The following PLCB1 variants were observed in gnomAD, a reference collection of about 807,000 sequenced individuals.
PLCB1 encodes phospholipase C beta 1.
PLCB1 carries 46 observed loss-of-function variants against 161.8 expected under a neutral mutation model. The ratio of observed to expected loss-of-function variants is 0.28; its 90% CI spans 0.22 to 0.36. The LOEUF is 0.36. Among genes scored for constraint, PLCB1 ranks in the 10% least tolerant of loss-of-function variants. The pLI is 1.00. For synonymous variants in PLCB1, 517 were observed against 503.7 expected (o/e 1.03, Z -0.35); for missense variants, 1,016 against 1,472.5 (o/e 0.69, Z 5.07).
chr20:8,257,151 G>T (rs1471643719), intron 2 of PLCB1, among the ~76,000 whole-genome samples: 1 of 152,112 alleles, frequency 6.6e-6, no homozygotes, highest in Non-Finnish European at 1.5e-5. Flanking sequence ...TTCACCTGGA[G>T]AACATAATTC....
intron 3 of PLCB1, among the ~76,000 whole-genome samples, chr20:8,483,876 T>A (rs1205091743): frequency 6.6e-6 from 1 of 152,132 alleles, no homozygotes; most frequent in African/African-American, 2.4e-5. Flanking sequence ...AAATAAATGT[T>A]GGTACTCTAA....
At chr20:8,544,830 C>G (rs1985472823) in intron 3 of PLCB1, among the ~76,000 whole-genome samples, 1 of 152,066 alleles carries the variant, frequency 6.6e-6, no homozygotes, top group African/African-American at 2.4e-5. Context: ...AGCCATTCTT[C>G]TCAATAAAAC....
At chr20:8,703,978 G>GCAGC (rs1254508170) in intron 11 of PLCB1, among the ~76,000 whole-genome samples, 1 of 152,184 alleles carries the variant, frequency 6.6e-6, no homozygotes, top group Admixed American at 6.5e-5. Flanking sequence ...TACCAATGAG[G>GCAGC]TGAGCCTACA....
At chr20:8,816,369 T>A (rs2146258647) in intron 31 of PLCB1, among the ~76,000 whole-genome samples, 1 of 152,262 alleles carries the variant, frequency 6.6e-6, no homozygotes, top group Middle Eastern at 3.4e-3. Context: ...ACAAAAAGAA[T>A]TTTTTTCAAC....
At chr20:8,375,336 G>C (rs191824269) in intron 3 of PLCB1, among the ~76,000 whole-genome samples, 1 of 152,178 alleles carries the variant, frequency 6.6e-6, no homozygotes, top group Admixed American at 6.5e-5. Flanking sequence ...ACTTCAAAAA[G>C]ATCTTTGCTT....
At chr20:8,718,056 G>A (rs945437577) in intron 14 of PLCB1, among the ~76,000 whole-genome samples, 1 of 129,854 alleles carries the variant, frequency 7.7e-6, no homozygotes, top group Non-Finnish European at 1.7e-5. Flanking sequence ...CCTGTCTCTT[G>A]CAAAAATACA....
At chr20:8,616,768 C>A (rs1195729211) in intron 3 of PLCB1, among the ~76,000 whole-genome samples, 1 of 152,200 alleles carries the variant, frequency 6.6e-6, no homozygotes, top group Non-Finnish European at 1.5e-5. Flanking sequence ...GAAACAGATT[C>A]CCCCATGAGG....
chr20:8,845,087 C>T (rs1986643433), intron 31 of PLCB1, among the ~76,000 whole-genome samples: 1 of 152,098 alleles, frequency 6.6e-6, no homozygotes, highest in Non-Finnish European at 1.5e-5. Context: ...GCACTCCAAC[C>T]TGGGCAATAG....
At chr20:8,441,125 A>G (rs1004285566) in intron 3 of PLCB1, among the ~76,000 whole-genome samples, 5 of 152,206 alleles carry the variant, frequency 3.3e-5, no homozygotes, top group Admixed American at 2.0e-4. Flanking sequence ...ATTTCTTGAC[A>G]ATGTTCCAAT....
intron 3 of PLCB1, among the ~76,000 whole-genome samples, chr20:8,403,280 T>C (rs2122481700): frequency 6.6e-6 from 1 of 152,156 alleles, no homozygotes; most frequent in African/African-American, 2.4e-5. Flanking sequence ...TTTGAGGGGC[T>C]GAGGATGGGA....
At chr20:8,149,124 T>C (rs1405846540) in intron 1 of PLCB1, among the ~76,000 whole-genome samples, 2 of 152,230 alleles carry the variant, frequency 1.3e-5, no homozygotes, top group African/African-American at 2.4e-5. Flanking sequence ...TTACATTTAG[T>C]ATTTTGATAC....
intron 31 of PLCB1, among the ~76,000 whole-genome samples, chr20:8,844,100 A>G (rs1986604869): frequency 6.6e-6 from 1 of 152,248 alleles, no homozygotes; most frequent in South Asian, 2.1e-4. Flanking sequence ...AAGTAAATAC[A>G]TATTTCAAAC....
chr20:8,390,104 G>C (rs551964656), intron 3 of PLCB1, among the ~76,000 whole-genome samples: 1 of 152,258 alleles, frequency 6.6e-6, no homozygotes, highest in South Asian at 2.1e-4. Flanking sequence ...CACGGTACTT[G>C]TATCAGTCTT....
In PLCB1 at chr20:8,883,839, A is replaced by G. The variant is rs549587899; in HGVS notation, c.*1990A>G. 1 of 152,696 alleles carries G rather than the reference A, an allele frequency of 6.5e-6. No individual in the cohort carries two copies. Among genetic ancestry groups the G allele is most frequent in the Non-Finnish European group, 1.5e-5 (1 of 67,982 alleles). The allele number at this position is 152,696 out of a possible 1,614,324, so 9.5% of individuals were successfully genotyped here. A position where few individuals can be genotyped will look rare whatever the true frequency, so the allele number is the denominator to read the frequency against. ...ATGAAAAAGAAATCTTTTGTAAATCATTCTACTTTTGCACTTTGAAAGAAA... is the reference window on the plus strand; with the variant it reads ...ATGAAAAAGAAATCTTTTGTAAATCGTTCTACTTTTGCACTTTGAAAGAAA... On this transcript the variant is annotated 3_prime_UTR_variant, in exon 32 of 32. Transcript: ENST00000338037.
At chr20:8,425,707 G>A (rs1052738013) in intron 3 of PLCB1, among the ~76,000 whole-genome samples, 1 of 152,158 alleles carries the variant, frequency 6.6e-6, no homozygotes, top group Non-Finnish European at 1.5e-5. Flanking sequence ...TTAGGTGACT[G>A]TAAACTCCCT....
At chr20:8,384,649 C>T (rs558033961) in intron 3 of PLCB1, among the ~76,000 whole-genome samples, 1 of 152,242 alleles carries the variant, frequency 6.6e-6, no homozygotes, top group South Asian at 2.1e-4. Context: ...TCTTTCTCGT[C>T]TTTATGAGTT....
chr20:8,479,171 T>C (rs1056306215), intron 3 of PLCB1, among the ~76,000 whole-genome samples: 2 of 152,210 alleles, frequency 1.3e-5, no homozygotes, highest in Admixed American at 1.3e-4. Flanking sequence ...CTTGTTTATT[T>C]GTTTTATGTC....
At chr20:8,206,411 G>A (rs117594030) in intron 2 of PLCB1, among the ~76,000 whole-genome samples, 4,419 of 152,198 alleles carry the variant, frequency 0.029, 109 homozygotes, top group Non-Finnish European at 0.043. Flanking sequence ...AATAAAATGA[G>A]ACAGGAATTA....
At chr20:8,503,443 T>C (rs1022223427) in intron 3 of PLCB1, among the ~76,000 whole-genome samples, 9 of 152,106 alleles carry the variant, frequency 5.9e-5, no homozygotes, top group Non-Finnish European at 1.3e-4. Flanking sequence ...TTCCACCTCT[T>C]TTCACTTCTC....
Sources: allele counts gnomAD v4.1 joint callset (sites outside exome capture counted in the v4.1 genomes callset), GRCh38; gene constraint gnomAD v4.1.1; transcripts MANE v1.5; gene names NCBI Gene and HGNC (gene_info 2026-07-23, HGNC 2026-07-21).